KCNQ1: variants seen among roughly 807,000 people sequenced by gnomAD.
The protein encoded by KCNQ1 is potassium voltage-gated channel subfamily Q member 1, also known as potassium voltage-gated channel subfamily KQT member 1.
A neutral mutation model predicts 72.4 loss-of-function variants in KCNQ1; 49 were observed. The ratio of observed to expected loss-of-function variants is 0.68; its 90% CI spans 0.54 to 0.86. KCNQ1 has a LOEUF of 0.86. KCNQ1 is among the 40% of genes least tolerant of loss of function. The probability of loss-of-function intolerance (pLI) is 0.00; values close to 1 mark genes in which losing one functional copy is unlikely to be tolerated. For synonymous variants in KCNQ1, 450 were observed against 412.6 expected, an observed-to-expected ratio of 1.09 and a Z score of -1.10; for missense variants, 790 against 945.1, an observed-to-expected ratio of 0.84 and a Z score of 2.15.
rs374645377 is a variant in KCNQ1 at position 2,667,752 on chromosome 11, G to A, written c.1514+5671G>A. 142 of 398,718 alleles carry A rather than the reference G, an allele frequency of 3.6e-4. No individual in the cohort carries two copies. In the East Asian group the frequency reaches 4.5e-3, roughly 13 times the overall value. 24.7% of individuals were successfully genotyped at this position (398,718 alleles called of 1,614,324 possible). On this transcript the variant is annotated intron_variant, in intron 11 of 15. Transcript: ENST00000155840. ...AAGTGAGGGAGTGGGATGGGGCTGG[G>A]CCTAGCGGCCCTGAAGGCCAGGGCT...
At chr11:2,770,548 G>T (rs1032845242) in intron 12 of KCNQ1, among the ~76,000 whole-genome samples, 2 of 152,256 alleles carry the variant, frequency 1.3e-5, no homozygotes, top group Non-Finnish European at 2.9e-5. Flanking sequence ...GTGTTTCTCA[G>T]CTGGCCCTCC....
At chr11:2,548,904 G>A (rs74559211) in intron 2 of KCNQ1, among the ~76,000 whole-genome samples, 1,767 of 152,314 alleles carry the variant, frequency 0.012, 40 homozygotes, top group African/African-American at 0.038. Context: ...GACCTGTCTG[G>A]CGGGAATAAA....
In KCNQ1 at chr11:2,653,120, T is replaced by G. The variant is rs1486730270; in HGVS notation, c.1394-8841T>G. On this transcript the variant is annotated intron_variant, in intron 10 of 15. Coordinates refer to ENST00000155840, the MANE Select transcript of KCNQ1 (RefSeq NM_000218.3). The surrounding 1 kb of genome is among the most constrained non-coding windows in gnomAD (Gnocchi z 5.3). ...GAGGCTCACTGAAGGTTTGGGGAGA[T>G]GAGGACTTGCATCACAGCAGTAGAA... 2.5e-6 allele frequency: 1 copy of G among 398,598 alleles called. No individual in the cohort carries two copies. The highest frequency in any genetic ancestry group is 4.4e-6 in the Non-Finnish European group (1 of 226,124). The allele number at this position is 398,598 out of a possible 1,614,324, so 24.7% of individuals were successfully genotyped here.
rs562970814 is a variant in KCNQ1, at chr11:2,536,582, A to G, written c.477+8564A>G. Among the ~76,000 whole-genome samples, 1 of 151,824 alleles carries G rather than the reference A, an allele frequency of 6.6e-6. No homozygotes were observed. Among genetic ancestry groups the G allele is most frequent in the Non-Finnish European group, 1.5e-5 (1 of 67,924 alleles). On this transcript the variant is annotated intron_variant, in intron 2 of 15. Coordinates refer to ENST00000155840, the MANE Select transcript of KCNQ1 (RefSeq NM_000218.3). This position sits in a 1 kb window ranked among gnomAD's most constrained non-coding sequence, Gnocchi z 7.4. The stretch of plus-strand genomic sequence containing the variant: ...AGGCCACCCGCTACAGCTTCTTGGG[A>G]CCTCCCTCTCTCAGGCGGGTCTGGA...
intron 4 of KCNQ1, among the ~76,000 whole-genome samples, chr11:2,571,674 A>T (rs566794438): frequency 1.6e-3 from 239 of 152,074 alleles, no homozygotes; most frequent in African/African-American, 5.6e-3. Context: ...CTTGGGTGGT[A>T]ACCTGACCAT....
chr11:2,799,306 T>G (rs952212261), intron 15 of KCNQ1, among the ~76,000 whole-genome samples: 4 of 152,068 alleles, frequency 2.6e-5, no homozygotes, highest in African/African-American at 9.7e-5. Flanking sequence ...ACTGTTGTGG[T>G]GACAACCAGC....
In KCNQ1 at chr11:2,661,943, C is replaced by T; in HGVS notation, c.1394-18C>T. The T allele has an allele frequency of 6.2e-7, 1 of 1,614,138 alleles. No homozygotes were observed. Among genetic ancestry groups the T allele is most frequent in the Non-Finnish European group, 8.5e-7 (1 of 1,180,034 alleles). On this transcript the variant is annotated intron_variant, in intron 10 of 15. Coordinates refer to ENST00000155840, the MANE Select transcript of KCNQ1 (RefSeq NM_000218.3). The surrounding 1 kb of genome is among the most constrained non-coding windows in gnomAD (Gnocchi z 5.9). ...TGGGTGGGAGGCCTAACGTGCTGTC[C>T]CCACACTTTCTCCTCAGTAAGGAAG... is the stretch of plus-strand genomic sequence containing the variant.
At chr11:2,793,551 G>A (rs553152776) in intron 15 of KCNQ1, among the ~76,000 whole-genome samples, 4 of 152,316 alleles carry the variant, frequency 2.6e-5, no homozygotes, top group African/African-American at 9.6e-5. Context: ...TTGAGCCCAG[G>A]AGTTCAAGGC....
rs757328965 is a variant in KCNQ1, at chr11:2,588,717, A to G, written c.1256A>G (p.Lys419Arg). ...CTGTTGTCTTGTTTTTTTTAGGTAA[A>G]GAAAAAAAAGTTCAAGCTGGACAAA... ...SPKPKKSVVV[K>R]KKKFKLDKDN... Residue 419 changes from lysine to arginine, a missense_variant, in exon 10 of 16, where the codon AAG (lysine) becomes AGG (arginine). Physicochemically the swap from Lys to Arg is conservative, Grantham distance 26. Coordinates refer to ENST00000155840, the MANE Select transcript of KCNQ1 (RefSeq NM_000218.3). This position sits in a 1 kb window ranked among gnomAD's most constrained non-coding sequence, Gnocchi z 5.6. The G allele has an allele frequency of 1.2e-6, 2 of 1,613,474 alleles. No homozygotes were observed. Among genetic ancestry groups the G allele is most frequent in the Non-Finnish European group, 1.7e-6 (2 of 1,179,928 alleles).
chr11:2,485,056 G>T (rs912614249), intron 1 of KCNQ1, among the ~76,000 whole-genome samples: 1 of 152,200 alleles, frequency 6.6e-6, no homozygotes, highest in East Asian at 1.9e-4. Flanking sequence ...TGTGCACGGC[G>T]CGTCTTGTCT....
At chr11:2,552,938 A>AT (rs2133696328) in intron 2 of KCNQ1, among the ~76,000 whole-genome samples, 1 of 152,334 alleles carries the variant, frequency 6.6e-6, no homozygotes, top group South Asian at 2.1e-4. Flanking sequence ...GGATTGTGTA[A>AT]TTTTTAGTGG....
At chr11:2,812,558 C>T (rs1281537381) in intron 15 of KCNQ1, among the ~76,000 whole-genome samples, 2 of 152,216 alleles carry the variant, frequency 1.3e-5, no homozygotes, top group Non-Finnish European at 2.9e-5. Context: ...AGAGCTCCTT[C>T]CCGGAGAGGA....
Position 2,679,258 on chromosome 11 carries a change from T to A in KCNQ1, c.1514+17177T>A, listed in dbSNP as rs941280919. On this transcript the variant is annotated intron_variant, in intron 11 of 15. Coordinates refer to ENST00000155840, the MANE Select transcript of KCNQ1 (RefSeq NM_000218.3). The surrounding 1 kb of genome is among the most constrained non-coding windows in gnomAD (Gnocchi z 4.8). ...TACAGCTGCCTGTCCCACCCTTGGC[T>A]GTGCTCTCCTTTACTAATCCATAGC... The A allele has an allele frequency of 3.5e-5, 14 of 398,540 alleles. No individual in the cohort carries two copies. Among genetic ancestry groups the A allele is most frequent in the African/African-American group, 2.9e-4 (14 of 48,640 alleles). 24.7% of individuals were successfully genotyped at this position (398,540 alleles called of 1,614,324 possible).
chr11:2,615,815 T>C, intron 10 of KCNQ1: 1 of 398,110 alleles, frequency 2.5e-6, no homozygotes, highest in Non-Finnish European at 4.4e-6. Context: ...GATTTTAGTA[T>C]CTAGTTTGTC....
At chr11:2,615,814 A>G in intron 10 of KCNQ1, 1 of 398,042 alleles carries the variant, frequency 2.5e-6, no homozygotes, top group East Asian at 3.6e-5. Flanking sequence ...AGATTTTAGT[A>G]TCTAGTTTGT....
intron 1 of KCNQ1, among the ~76,000 whole-genome samples, chr11:2,459,442 T>G (rs1471161851): frequency 1.3e-5 from 2 of 152,178 alleles, no homozygotes; most frequent in Non-Finnish European, 2.9e-5. Flanking sequence ...AGGTGAAGGC[T>G]TACCTGTCTT....
In KCNQ1 at chr11:2,735,390, C is replaced by T. The variant is rs1845940401; in HGVS notation, c.1515-33454C>T. Among the ~76,000 whole-genome samples, 1 of 151,596 alleles carries T rather than the reference C, an allele frequency of 6.6e-6. No individual in the cohort carries two copies. The highest frequency in any genetic ancestry group is 1.5e-5 in the Non-Finnish European group (1 of 67,894). On this transcript the variant is annotated intron_variant, in intron 11 of 15. Coordinates refer to ENST00000155840, the MANE Select transcript of KCNQ1 (RefSeq NM_000218.3). The surrounding 1 kb of genome is among the most constrained non-coding windows in gnomAD (Gnocchi z 7.7). ...CCGCCCCCACCTCCCCTCCCGCAAG[C>T]TTCTCCCCTTCCTTCAGAGCCCAAC...
At chr11:2,791,691 AGCTGCG>A (rs1847026395) in intron 15 of KCNQ1, among the ~76,000 whole-genome samples, 1 of 148,886 alleles carries the variant, frequency 6.7e-6, no homozygotes, top group Non-Finnish European at 1.5e-5. Flanking sequence ...GCTTGGCGGC[AGCTGCG>A]GGTGGGGGTG....
Position 2,571,346 on chromosome 11 carries a change from C to G in KCNQ1, c.626C>G (p.Ser209Cys). Reference protein sequence around the residue: ...SIIDLIVVVASMVVLCVGSKG... With the variant: ...SIIDLIVVVACMVVLCVGSKG... ...ACAGACCTCATCGTGGTCGTGGCCT[C>G]CATGGTGGTCCTCTGCGTGGGCTCC... Residue 209 changes from serine to cysteine, a missense_variant, in exon 4 of 16, where the codon TCC (serine) becomes TGC (cysteine). Ser to Cys is a moderately radical substitution (Grantham distance 112, BLOSUM62 -1). Transcript: ENST00000155840. 1 of 1,613,362 alleles carries G rather than the reference C, an allele frequency of 6.2e-7. No individual in the cohort carries two copies. The highest frequency in any genetic ancestry group is 8.5e-7 in the Non-Finnish European group (1 of 1,179,976).
Sources: gnomAD v4.1 joint callset for allele counts (sites outside exome capture counted in the v4.1 genomes callset) on GRCh38, gnomAD v4.1.1 for gene constraint, Gnocchi (gnomAD v3.1) non-coding constraint, MANE v1.5 for transcripts, NCBI Gene and HGNC (gene_info 2026-07-23, HGNC 2026-07-21) for gene names.